The following TMEM74 variants were observed in gnomAD, a reference collection of about 807,000 sequenced individuals.
TMEM74 encodes transmembrane protein 74.
Under a neutral mutation model 18.1 loss-of-function variants are expected in TMEM74, and 13 were observed. The observed-to-expected ratio is 0.72, with a 90% CI of 0.47 to 1.14. TMEM74 has a LOEUF of 1.14. Ranked by LOEUF, TMEM74 falls within the 50% of genes most tolerant of loss-of-function variation. The pLI is 0.00. For missense variants in TMEM74, 372 were observed against 375.9 expected (o/e 0.99, Z 0.09); for synonymous variants, 159 against 146.6 (o/e 1.08, Z -0.61).
At chr8:108,614,416 T>G (rs549389841) in intron 2 of TMEM74, among the ~76,000 whole-genome samples, 1 of 152,264 alleles carries the variant, frequency 6.6e-6, no homozygotes, top group Admixed American at 6.5e-5. Flanking sequence ...GGAAATGTTC[T>G]AATAGTGGTG....
chr8:108,785,645 G>T (rs1276404486), intron 1 of TMEM74, among the ~76,000 whole-genome samples: 1 of 152,114 alleles, frequency 6.6e-6, no homozygotes. Flanking sequence ...TAGCTTTGGA[G>T]CATCACCATC....
At position 108,658,551 on chromosome 8, in the gene TMEM74, G is replaced by C. The variant is rs530432814; in HGVS notation, n.120-3114C>G. 1.1e-3 allele frequency among the ~76,000 whole-genome samples: 169 copies of C among 152,228 alleles called. 2 individuals are homozygous for C. Among genetic ancestry groups the C allele is most frequent in the Non-Finnish European group, 2.1e-3 (140 of 68,012 alleles). On this transcript the variant is annotated intron_variant and non_coding_transcript_variant, in intron 1 of 3. Coordinates refer to the TMEM74 transcript ENST00000518838. The stretch of plus-strand genomic sequence containing the variant: ...AAAAACAGATGTCTTCCACAAAGAG[G>C]AAAGCCAAAATATCAAATGCAGCTG...
chr8:108,636,282 G>A lies in TMEM74; in HGVS notation n.264+19011C>T, dbSNP rs370984103. Among the ~76,000 whole-genome samples the A allele has an allele frequency of 2.5e-3, 385 of 152,178 alleles. 2 individuals carry two copies. The highest frequency in any genetic ancestry group is 8.9e-3 in the African/African-American group (370 of 41,552). On this transcript the variant is annotated intron_variant and non_coding_transcript_variant, in intron 2 of 3. Transcript: ENST00000518838. Reference sequence around the variant, plus strand: ...CTAGCCTGTATGAGGAGCCCAGAGAGTTGGCAGAGAAGGAAGCAATTCTGT... The same window carrying A: ...CTAGCCTGTATGAGGAGCCCAGAGAATTGGCAGAGAAGGAAGCAATTCTGT...
intron 2 of TMEM74, among the ~76,000 whole-genome samples, chr8:108,623,757 G>A (rs1018117374): frequency 2.0e-5 from 3 of 151,958 alleles, no homozygotes; most frequent in Non-Finnish European, 2.9e-5. Flanking sequence ...TTCTCAAAGA[G>A]CCAGAATGTC....
At chr8:108,688,631 T>C (rs568822742) in intron 1 of TMEM74, among the ~76,000 whole-genome samples, 117 of 152,370 alleles carry the variant, frequency 7.7e-4, no homozygotes, top group African/African-American at 2.7e-3. Context: ...AAGGAATCTA[T>C]ATTTATAAAA....
chr8:108,770,396 G>A (rs1245401833), intron 1 of TMEM74, among the ~76,000 whole-genome samples: 1 of 152,102 alleles, frequency 6.6e-6, no homozygotes, highest in Non-Finnish European at 1.5e-5. Flanking sequence ...AAATTTGAAT[G>A]TTTTTATTGT....
At chr8:108,762,376 A>G (rs1399759563) in intron 1 of TMEM74, among the ~76,000 whole-genome samples, 1 of 152,120 alleles carries the variant, frequency 6.6e-6, no homozygotes, top group Non-Finnish European at 1.5e-5. Context: ...TAAGCTGAAA[A>G]TCCTCAAAGC....
At chr8:108,713,209 G>T (rs1813490559) in intron 1 of TMEM74, among the ~76,000 whole-genome samples, 1 of 152,194 alleles carries the variant, frequency 6.6e-6, no homozygotes, top group Non-Finnish European at 1.5e-5. Flanking sequence ...TTTAGCAACT[G>T]AAATAGCATA....
At chr8:108,648,005 A>T (rs189472725) in intron 2 of TMEM74, among the ~76,000 whole-genome samples, 41 of 152,288 alleles carry the variant, frequency 2.7e-4, no homozygotes, top group Middle Eastern at 3.4e-3. Context: ...GGAAATAGCC[A>T]TGCAAAGACC....
At chr8:108,622,275 G>C (rs1586236980) in intron 2 of TMEM74, among the ~76,000 whole-genome samples, 1 of 152,066 alleles carries the variant, frequency 6.6e-6, no homozygotes, top group African/African-American at 2.4e-5. Context: ...GAACATGGGT[G>C]AAACTCCCTC....
chr8:108,769,338 A>C (rs370118011), intron 1 of TMEM74, among the ~76,000 whole-genome samples: 116 of 152,098 alleles, frequency 7.6e-4, no homozygotes, highest in African/African-American at 2.2e-3. Flanking sequence ...CACACACACA[A>C]AAAAAGTCAC....
At chr8:108,658,198 G>C (rs1425081167) in intron 1 of TMEM74, among the ~76,000 whole-genome samples, 1 of 151,856 alleles carries the variant, frequency 6.6e-6, no homozygotes, top group Non-Finnish European at 1.5e-5. Flanking sequence ...AAAGAGGACA[G>C]GGATTTCAGC....
intron 1 of TMEM74, among the ~76,000 whole-genome samples, chr8:108,677,832 T>C (rs1421924799): frequency 6.6e-6 from 1 of 152,264 alleles, no homozygotes; most frequent in East Asian, 1.9e-4. Flanking sequence ...TCAGCCCAGG[T>C]CTTCCTAGGT....
intron 2 of TMEM74, among the ~76,000 whole-genome samples, chr8:108,628,185 G>A (rs557037605): frequency 1.3e-4 from 20 of 152,174 alleles, no homozygotes; most frequent in African/African-American, 4.8e-4. Flanking sequence ...TGATAGTCTG[G>A]TCTATAATGG....
At chr8:108,743,451 A>G (rs1263928337) in intron 1 of TMEM74, among the ~76,000 whole-genome samples, 1 of 152,210 alleles carries the variant, frequency 6.6e-6, no homozygotes, top group East Asian at 1.9e-4. Flanking sequence ...AAGGTGGAAG[A>G]ATTTGATTTT....
intron 2 of TMEM74, among the ~76,000 whole-genome samples, chr8:108,611,838 C>G (rs947385382): frequency 6.6e-6 from 1 of 151,940 alleles, no homozygotes; most frequent in Non-Finnish European, 1.5e-5. Context: ...TCTCACACTG[C>G]TATGAAGAAA....
At chr8:108,761,475 G>C (rs931206371) in intron 1 of TMEM74, among the ~76,000 whole-genome samples, 1 of 152,040 alleles carries the variant, frequency 6.6e-6, no homozygotes, top group African/African-American at 2.4e-5. Flanking sequence ...GTACAGTTCT[G>C]TACCTAGGCC....
intron 1 of TMEM74, among the ~76,000 whole-genome samples, chr8:108,773,697 G>A (rs1205528492): frequency 6.6e-6 from 1 of 152,152 alleles, no homozygotes; most frequent in Non-Finnish European, 1.5e-5. Flanking sequence ...GGAAACTCAA[G>A]AAGCTCTATG....
rs994088939 is a variant in TMEM74 at position 108,782,287 on chromosome 8, T to G, written c.*1894A>C. The stretch of plus-strand genomic sequence containing the variant: ...GAGAGTCACAGTAAAACAAAGTTTG[T>G]TCAAAAAGCACAAAAATACAGCAAC... On this transcript the variant is annotated 3_prime_UTR_variant, in exon 2 of 2. Transcript: ENST00000297459. Among the ~76,000 whole-genome samples the G allele has an allele frequency of 6.6e-6, 1 of 152,126 alleles. No individual in the cohort carries two copies. Among genetic ancestry groups the G allele is most frequent in the African/African-American group, 2.4e-5 (1 of 41,422 alleles).
Sources: gnomAD v4.1 joint callset for allele counts (sites outside exome capture counted in the v4.1 genomes callset) on GRCh38, gnomAD v4.1.1 for gene constraint, MANE v1.5 for transcripts, NCBI Gene and HGNC (gene_info 2026-07-23, HGNC 2026-07-21) for gene names.